The following ZNF613 variants were observed in gnomAD, a reference collection of about 807,000 sequenced individuals.
The protein encoded by ZNF613 is zinc finger protein 613.
ZNF613 carries 8 observed loss-of-function variants against 14.3 expected under a neutral mutation model. That is an observed-to-expected ratio of 0.56 (90% CI 0.33 to 1.01). The LOEUF (loss-of-function observed/expected upper bound fraction) is 1.01. Among genes scored for constraint, ZNF613 ranks in the 50% least tolerant of loss-of-function variants. ZNF613 has a pLI of 0.03. For missense variants in ZNF613, 656 were observed against 741.9 expected (o/e 0.88, Z 1.35); for synonymous variants, 228 against 254.5 (o/e 0.90, Z 0.99).
At chr19:51,928,009 G>GCTATCTATCTATCTATTTAT (rs2085229226) in intron 1 of ZNF613, 1 of 146,900 alleles carries the variant, frequency 6.8e-6, no homozygotes, top group Non-Finnish European at 1.5e-5. Context: ...GCGCCACCAC[G>GCTATCTATCTATCTATTTAT]CTATCTATCT....
rs756053123 is a variant in ZNF613, at chr19:51,945,532, G to A, written c.1649G>A (p.Cys550Tyr). 4.3e-6 allele frequency: 7 copies of A among 1,614,020 alleles called. No individual in the cohort carries two copies. The Admixed American group carries it at 5.0e-5, about 12-fold the overall frequency. The change falls in exon 6 of 6, where the codon TGC (cysteine) becomes TAC (tyrosine). Residue 550 changes from cysteine (C) to tyrosine (Y), a missense_variant. Physicochemically the swap from Cys to Tyr is radical, Grantham distance 194 (BLOSUM62 -2). Coordinates refer to ENST00000293471, the MANE Select transcript of ZNF613 (RefSeq NM_001031721.4). The part of the protein sequence containing the change: ...CVGSVKLENP[C>Y]SESHSLSHTR... ...GGTTCAGTCAAATTGGAAAATCCTT[G>A]CTCAGAGAGTCATAGCTTATCACAT...
intron 2 of ZNF613, among the ~76,000 whole-genome samples, chr19:51,930,206 C>T (rs1184212312): frequency 6.6e-6 from 1 of 151,962 alleles, no homozygotes; most frequent in Non-Finnish European, 1.5e-5. Context: ...TATTTCATTT[C>T]ATGTAAACGC....
In ZNF613 at chr19:51,945,142, G is replaced by T. The variant is rs760354746; in HGVS notation, c.1259G>T (p.Arg420Leu). The T allele has an allele frequency of 6.2e-7, 1 of 1,614,148 alleles. No individual in the cohort carries two copies. The highest frequency in any genetic ancestry group is 1.3e-5 in the African/African-American group (1 of 75,040). ...AAGGGCAACCTCCTTATTCATCGAC[G>T]TACTCACACTGGAGAGAAACCCTAT... Reference protein sequence around the residue: ...IQKGNLLIHRRTHTGEKPYVC... With the variant: ...IQKGNLLIHRLTHTGEKPYVC... The change falls in exon 6 of 6, where the codon CGT becomes CTT. Residue 420 changes from arginine (R) to leucine (L), a missense_variant. Arg to Leu is a moderately radical substitution (Grantham distance 102). Coordinates refer to ENST00000293471, the MANE Select transcript of ZNF613 (RefSeq NM_001031721.4).
chr19:51,927,950 A>G (rs989946460), intron 1 of ZNF613: 1 of 152,158 alleles, frequency 6.6e-6, no homozygotes, highest in Admixed American at 6.5e-5. Flanking sequence ...CCCGGGGCTC[A>G]GGTGATTTTC....
At chr19:51,944,015 A>C (rs1049786575) in intron 5 of ZNF613, 104 bp from the exon 6 acceptor site, 1 of 851,590 alleles carries the variant, frequency 1.2e-6, no homozygotes, top group African/African-American at 1.8e-5. Flanking sequence ...AGTTTTTTAA[A>C]CAGTGGAAAT....
chr19:51,934,339 G>C (rs549368108), intron 2 of ZNF613, among the ~76,000 whole-genome samples: 16 of 151,682 alleles, frequency 1.1e-4, no homozygotes, highest in Middle Eastern at 6.8e-3. Context: ...TTTGTTGTTG[G>C]TACTTTTAAA....
In ZNF613 at chr19:51,946,244, G is replaced by T. The variant is rs538533568; in HGVS notation, c.*507G>T. On this transcript the variant is annotated 3_prime_UTR_variant, in exon 6 of 6. Coordinates refer to ENST00000293471, the MANE Select transcript of ZNF613 (RefSeq NM_001031721.4). ...TGAAAAGGAGTATTTTAGAGATTTC[G>T]ATCAGAAATCTAACATCATTATATG... The T allele has an allele frequency of 5.7e-5, 9 of 158,040 alleles. No homozygotes were observed. In the South Asian group the frequency reaches 7.3e-4, roughly 13 times the overall value. 9.8% of individuals were successfully genotyped at this position (158,040 alleles called of 1,614,324 possible). A position where few individuals can be genotyped will look rare whatever the true frequency, so the allele number is the denominator to read the frequency against.
chr19:51,933,931 T>G (rs2085286427), intron 2 of ZNF613, among the ~76,000 whole-genome samples: 2 of 152,206 alleles, frequency 1.3e-5, no homozygotes, highest in Admixed American at 1.3e-4. Flanking sequence ...CTTGAGTAGC[T>G]GGGACTACAG....
chr19:51,929,762 A>C lies in ZNF613; in HGVS notation c.-328A>C, dbSNP rs2085249242. 1 of 151,922 alleles carries C rather than the reference A, an allele frequency of 6.6e-6. No individual in the cohort carries two copies. The highest frequency in any genetic ancestry group is 1.5e-5 in the Non-Finnish European group (1 of 67,990). The allele number at this position is 151,922 out of a possible 1,614,324, so 9.4% of individuals were successfully genotyped here. On this transcript the variant is annotated 5_prime_UTR_variant, in exon 2 of 6. Transcript: ENST00000293471. ...GCATCTCACTATGTTGCCCAGGCTG[A>C]TCTTGAACTCCTGACCTCAAGTGAT... is the stretch of plus-strand genomic sequence containing the variant.
intron 1 of ZNF613, among the ~76,000 whole-genome samples, chr19:51,929,387 T>C (rs1793621444): frequency 6.6e-6 from 1 of 152,216 alleles, no homozygotes. Context: ...AACATGTTTC[T>C]CCCTGACCCT....
At position 51,945,504 on chromosome 19, in the gene ZNF613, G is replaced by A; in HGVS notation, c.1621G>A (p.Val541Ile). 6.2e-7 allele frequency: 1 copy of A among 1,614,188 alleles called. No individual in the cohort carries two copies. Among genetic ancestry groups the A allele is most frequent in the Non-Finnish European group, 8.5e-7 (1 of 1,180,024 alleles). Residue 541 changes from valine (V) to isoleucine (I), a missense_variant, in exon 6 of 6, where the codon GTA becomes ATA. Transcript: ENST00000293471. ...KGMLHAREKC[V>I]GSVKLENPCS... is the part of the protein sequence containing the mutation. ...AATGCTGCATGCAAGAGAGAAATGT[G>A]TAGGTTCAGTCAAATTGGAAAATCC...
chr19:51,938,347 C>T (rs751520389), intron 3 of ZNF613, among the ~76,000 whole-genome samples: 2 of 151,892 alleles, frequency 1.3e-5, no homozygotes, highest in Non-Finnish European at 2.9e-5. Context: ...ACATGGCTCA[C>T]TGCAACCTCG....
At chr19:51,931,463 T>C (rs532627926) in intron 2 of ZNF613, among the ~76,000 whole-genome samples, 26 of 152,324 alleles carry the variant, frequency 1.7e-4, no homozygotes, top group African/African-American at 6.3e-4. Context: ...TTCTCTAATA[T>C]TGATTATTTA....
Position 51,945,073 on chromosome 19 carries a change from A to G in ZNF613, c.1190A>G (p.Glu397Gly), listed in dbSNP as rs1400320668. ...GTACATCAGCGAATTCATACTGGAG[A>G]AAAACCCTATATATGCAATGAATGT... ...LIVHQRIHTG[E>G]KPYICNECGK... Residue 397 changes from glutamate to glycine, a missense_variant, in exon 6 of 6, where the codon GAA becomes GGA. By Grantham distance (98) the Glu-to-Gly change is moderately conservative. Transcript: ENST00000293471. 6.2e-7 allele frequency: 1 copy of G among 1,614,230 alleles called. No homozygotes were observed. The highest frequency in any genetic ancestry group is 1.1e-5 in the South Asian group (1 of 91,086).
At position 51,945,823 on chromosome 19, in the gene ZNF613, T is replaced by G. The variant is rs746213433; in HGVS notation, c.*86T>G. ...CAAAAAACACAGAGGAACAAACTGA[T>G]ATATTCAAGGTGGAAAGCCCTTGAA... On this transcript the variant is annotated 3_prime_UTR_variant, in exon 6 of 6. Coordinates refer to ENST00000293471, the MANE Select transcript of ZNF613 (RefSeq NM_001031721.4). The G allele has an allele frequency of 2.2e-6, 3 of 1,382,666 alleles. No individual in the cohort carries two copies. Among genetic ancestry groups the G allele is most frequent in the Non-Finnish European group, 3.0e-6 (3 of 1,002,914 alleles). 85.6% of individuals were successfully genotyped at this position (1,382,666 alleles called of 1,614,324 possible). A position where few individuals can be genotyped will look rare whatever the true frequency, so the allele number is the denominator to read the frequency against.
At chr19:51,932,156 G>A (rs1438919479) in intron 2 of ZNF613, among the ~76,000 whole-genome samples, 6 of 152,104 alleles carry the variant, frequency 3.9e-5, no homozygotes, top group East Asian at 1.9e-4. Context: ...CCAGGGAATG[G>A]TGGCCCTCAG....
At chr19:51,942,283 C>T (rs17695737) in intron 5 of ZNF613, among the ~76,000 whole-genome samples, 22,654 of 152,100 alleles carry the variant, frequency 0.15, 2,083 homozygotes, top group South Asian at 0.26. Context: ...CAGCTGTGAA[C>T]ATCAATAACA....
At chr19:51,932,302 C>CTTTTTTT (rs34474633) in intron 2 of ZNF613, among the ~76,000 whole-genome samples, 5 of 90,942 alleles carry the variant, frequency 5.5e-5, no homozygotes, top group Non-Finnish European at 1.0e-4. Flanking sequence ...CTCCCAACAT[C>CTTTTTTT]TTTTTTTTTT....
intron 2 of ZNF613, among the ~76,000 whole-genome samples, chr19:51,935,134 C>T (rs1429417537): frequency 2.0e-5 from 3 of 152,198 alleles, no homozygotes; most frequent in Non-Finnish European, 2.9e-5. Flanking sequence ...CCATGTGAGC[C>T]TCTTACTTGA....
Sources: gnomAD v4.1 joint callset for allele counts (sites outside exome capture counted in the v4.1 genomes callset) on GRCh38, gnomAD v4.1.1 for gene constraint, MANE v1.5 for transcripts, NCBI Gene and HGNC (gene_info 2026-07-23, HGNC 2026-07-21) for gene names.